KIF4A: variants seen among roughly 807,000 people sequenced by gnomAD.
The protein encoded by KIF4A is kinesin family member 4A, also known as chromosome-associated kinesin KIF4A.
Under a neutral mutation model 105.9 loss-of-function variants are expected in KIF4A, and 7 were observed. The observed-to-expected ratio is 0.07, with a 90% CI of 0.04 to 0.12. The LOEUF (loss-of-function observed/expected upper bound fraction) is 0.12. Ranked by LOEUF, KIF4A falls within the 10% of genes least tolerant of loss-of-function variation. The pLI, the probability that KIF4A is intolerant of heterozygous loss-of-function variation, is 1.00. For missense variants in KIF4A, 558 were observed against 929.2 expected (o/e 0.60, Z 5.19); for synonymous variants, 281 against 331.3 (o/e 0.85, Z 1.65).
At chrX:70,322,370 G>A (rs961152277) in intron 7 of KIF4A, among the ~76,000 whole-genome samples, 1 of 108,563 alleles carries the variant, frequency 9.2e-6, no homozygotes, top group Non-Finnish European at 1.9e-5. Flanking sequence ...GAAGTGCAGT[G>A]GCGCAATCTC....
At chrX:70,400,022 CTTT>C (rs754693441) in intron 22 of KIF4A, among the ~76,000 whole-genome samples, 1,726 of 97,966 alleles carry the variant, frequency 0.018, 35 homozygotes, top group African/African-American at 0.06. Flanking sequence ...GCAACTAACT[CTTT>C]TTTTTTTTTA....
At chrX:70,381,748 C>G (rs2147726552) in intron 18 of KIF4A, among the ~76,000 whole-genome samples, 1 of 111,778 alleles carries the variant, frequency 8.9e-6, no homozygotes, top group East Asian at 2.8e-4. Flanking sequence ...ATGGAATACC[C>G]TTCAGATTGC....
In KIF4A at chrX:70,333,276, T is replaced by A. The variant is rs767161612; in HGVS notation, c.1072-352T>A. On this transcript the variant is annotated intron_variant, in intron 9 of 30. Coordinates refer to ENST00000374403, the MANE Select transcript of KIF4A (RefSeq NM_012310.5). ...ATCACTTGAACCTGGGAGGCAGAAG[T>A]GCCACTGCACTCCACCCTGGGCGAC... 1.6e-4 allele frequency among the ~76,000 whole-genome samples: 16 copies of A among 101,845 alleles called. No homozygotes were observed. The South Asian group carries it at 4.2e-3, about 27-fold the overall frequency. The allele number at this position is 101,845 out of a possible 115,157, so 88.4% of individuals were successfully genotyped here.
intron 7 of KIF4A, among the ~76,000 whole-genome samples, chrX:70,311,968 A>G (rs1261664183): frequency 9.3e-6 from 1 of 107,556 alleles, no homozygotes; most frequent in Admixed American, 1.0e-4. Flanking sequence ...AAAAAAAAGA[A>G]AAAAAAATAT....
intron 15 of KIF4A, among the ~76,000 whole-genome samples, chrX:70,372,690 GAGGGAA>G (rs939912483): frequency 9.8e-5 from 11 of 112,382 alleles, no homozygotes; most frequent in Admixed American, 4.7e-4. Context: ...GGGAGAGGGA[GAGGGAA>G]AGGGCTAGAC....
At chrX:70,349,411 A>G (rs1363353664) in intron 13 of KIF4A, among the ~76,000 whole-genome samples, 1 of 83,000 alleles carries the variant, frequency 1.2e-5, no homozygotes, top group Non-Finnish European at 2.3e-5. Flanking sequence ...GACACTCCCT[A>G]CTTCCCAGAT....
At chrX:70,403,721 A>G (rs904067420) in intron 23 of KIF4A, 143 bp from the exon 24 acceptor site, 1 of 486,431 alleles carries the variant, frequency 2.1e-6, no homozygotes, top group African/African-American at 2.4e-5. Context: ...AATCCATATG[A>G]CATGAAAAAA....
intron 7 of KIF4A, among the ~76,000 whole-genome samples, chrX:70,325,483 G>T (rs1315487705): frequency 9.0e-6 from 1 of 111,042 alleles, no homozygotes; most frequent in African/African-American, 3.3e-5. Flanking sequence ...TTGCCACGTT[G>T]CCCACACTGG....
chrX:70,290,755 A>G lies in KIF4A; in HGVS notation c.185A>G (p.Glu62Gly). Residue 62 changes from glutamate to glycine, a missense_variant, in exon 3 of 31, where the codon GAA becomes GGA. Coordinates refer to ENST00000374403, the MANE Select transcript of KIF4A (RefSeq NM_012310.5). ...DFVFDPSTEQ[E>G]EVFNTAVAPL... is the part of the protein sequence containing the mutation. ...GTATTTGATCCCTCTACTGAACAGGAAGAAGTCTTCAATACAGCAGTAGCG... is the reference window on the plus strand; with the variant it reads ...GTATTTGATCCCTCTACTGAACAGGGAGAAGTCTTCAATACAGCAGTAGCG... 1 of 1,209,956 alleles carries G rather than the reference A, an allele frequency of 8.3e-7. No individual in the cohort carries two copies. The highest frequency in any genetic ancestry group is 1.1e-6 in the Non-Finnish European group (1 of 893,726).
chrX:70,403,333 T>C (rs1418588621), intron 23 of KIF4A, among the ~76,000 whole-genome samples: 1 of 112,452 alleles, frequency 8.9e-6, no homozygotes, highest in Non-Finnish European at 1.9e-5. Flanking sequence ...TTGTGAACAC[T>C]GGTACTTATG....
rs368344766 is a variant in KIF4A at position 70,353,624 on chromosome X, A to G, written c.1491A>G (p.Gln497=). Residue 497 remains glutamine (Q), a splice_region_variant and synonymous_variant, in exon 15 of 31, where the codon CAA becomes CAG. Transcript: ENST00000374403. ...AIDTAVEQEA[Q]VETSPETSRS... is the part of the protein sequence containing the mutation. ...TCATTATCCTGATTTTTTTCCAGCA[A>G]GTAGAAACCAGTCCAGAGACGAGCA... is the stretch of plus-strand genomic sequence containing the variant. 9.2e-6 allele frequency: 11 copies of G among 1,198,632 alleles called. No homozygotes were observed. Among genetic ancestry groups the G allele is most frequent in the Non-Finnish European group, 1.1e-5 (10 of 890,719 alleles).
intron 15 of KIF4A, among the ~76,000 whole-genome samples, chrX:70,369,467 G>T (rs897754515): frequency 1.8e-5 from 2 of 112,109 alleles, no homozygotes; most frequent in Non-Finnish European, 3.8e-5. Context: ...GTTGACAAGG[G>T]TGCAAGCAAA....
intron 20 of KIF4A, among the ~76,000 whole-genome samples, chrX:70,394,604 A>C (rs1416520308): frequency 9.0e-6 from 1 of 111,351 alleles, no homozygotes; most frequent in Non-Finnish European, 1.9e-5. Flanking sequence ...TCATCTTGCT[A>C]TTTGTTTTCT....
At chrX:70,395,644 C>G in intron 20 of KIF4A, 27 bp from the exon 21 acceptor site, 1 of 1,209,786 alleles carries the variant, frequency 8.3e-7, no homozygotes, top group South Asian at 1.8e-5. Flanking sequence ...TCATCCCTAA[C>G]ACAGACATCA....
chrX:70,369,484 T>A (rs192276684), intron 15 of KIF4A, among the ~76,000 whole-genome samples: 1 of 112,136 alleles, frequency 8.9e-6, no homozygotes, highest in Admixed American at 9.5e-5. Context: ...CAAAGTACTC[T>A]CATACATAGC....
chrX:70,416,671 A>G (rs997604377), intron 28 of KIF4A, among the ~76,000 whole-genome samples: 2 of 111,952 alleles, frequency 1.8e-5, no homozygotes, highest in African/African-American at 6.5e-5. Flanking sequence ...TTGTATTTAT[A>G]TGGCTGAGTT....
Position 70,420,112 on chromosome X carries a change from C to T in KIF4A, c.3546C>T (p.Pro1182=). ...AGCAGGTGCTGTCAAAGAAGACTCC[C>T]CCAGCTCCCTCCCCTTTTGACCTCC... The part of the protein sequence containing the change: ...DVEQVLSKKT[P]PAPSPFDLPE... Residue 1182 remains proline (P), a synonymous_variant, in exon 31 of 31, where the codon CCC becomes CCT. Coordinates refer to ENST00000374403, the MANE Select transcript of KIF4A (RefSeq NM_012310.5). 1 of 1,211,191 alleles carries T rather than the reference C, an allele frequency of 8.3e-7. No homozygotes were observed. The highest frequency in any genetic ancestry group is 3.0e-5 in the East Asian group (1 of 33,810).
At chrX:70,357,482 G>A (rs1005848194) in intron 15 of KIF4A, among the ~76,000 whole-genome samples, 1 of 111,871 alleles carries the variant, frequency 8.9e-6, no homozygotes, top group Non-Finnish European at 1.9e-5. Context: ...CCATCATCCT[G>A]GGGATTTGCT....
At chrX:70,360,707 C>T (rs1376105011) in intron 15 of KIF4A, among the ~76,000 whole-genome samples, 2 of 112,924 alleles carry the variant, frequency 1.8e-5, no homozygotes, top group Admixed American at 9.3e-5. Context: ...CATGTGCTCC[C>T]GGAGCAGCCT....
Sources: gnomAD v4.1 joint callset for allele counts (sites outside exome capture counted in the v4.1 genomes callset) on GRCh38, gnomAD v4.1.1 for gene constraint, MANE v1.5 for transcripts, NCBI Gene and HGNC (gene_info 2026-07-23, HGNC 2026-07-21) for gene names.